The following HIPK2 variants were observed in gnomAD, a reference collection of about 807,000 sequenced individuals.
HIPK2 encodes homeodomain interacting protein kinase 2.
Under a neutral mutation model 113.7 loss-of-function variants are expected in HIPK2, and 27 were observed. That is an observed-to-expected ratio of 0.24 (90% CI 0.17 to 0.33). The LOEUF (loss-of-function observed/expected upper bound fraction) is 0.33. Among genes scored for constraint, HIPK2 ranks in the 10% least tolerant of loss-of-function variants. HIPK2 has a pLI of 1.00. For synonymous variants in HIPK2, 631 were observed against 642.2 expected (o/e 0.98, Z 0.26); for missense variants, 1,257 against 1,588.0 (o/e 0.79, Z 3.54).
chr7:139,716,820 G>T lies in HIPK2; in HGVS notation c.215C>A (p.Pro72Gln), dbSNP rs748732904. 2 of 1,613,878 alleles carry T rather than the reference G, an allele frequency of 1.2e-6. No individual in the cohort carries two copies. Among genetic ancestry groups the T allele is most frequent in the Non-Finnish European group, 1.7e-6 (2 of 1,179,838 alleles). ...GTAAGGTAGGCTTGGGTTTGGGACC[G>T]GCAAGGAGGTGCTGACGGTTGTGGT... ...PATTTVSTSLPVPNPSLPYEQ... is the reference protein window; with the variant it reads ...PATTTVSTSLQVPNPSLPYEQ... Residue 72 changes from proline to glutamine, a missense_variant, in exon 2 of 15, where the codon CCG becomes CAG. Pro to Gln is a moderately conservative substitution (Grantham distance 76). Around this residue, in one of 5 missense-constraint regions of HIPK2, gnomAD observed 209 missense variants for 237.8 expected, o/e 0.88. Coordinates refer to ENST00000406875, the MANE Select transcript of HIPK2 (RefSeq NM_022740.5). The surrounding 1 kb of genome is among the most constrained non-coding windows in gnomAD (Gnocchi z 9.3).
At chr7:139,649,299 C>T (rs1002398475) in intron 2 of HIPK2, among the ~76,000 whole-genome samples, 1 of 152,194 alleles carries the variant, frequency 6.6e-6, no homozygotes, top group Non-Finnish European at 1.5e-5. Context: ...CCCAGGTACA[C>T]GCGCAAATGT....
At chr7:139,765,414 G>T (rs764433114) in intron 1 of HIPK2, among the ~76,000 whole-genome samples, 5 of 152,138 alleles carry the variant, frequency 3.3e-5, no homozygotes, top group African/African-American at 4.8e-5. Context: ...TCCTCCAGAG[G>T]TTTAATAAAT....
At chr7:139,643,421 G>A (rs1364303777) in intron 2 of HIPK2, among the ~76,000 whole-genome samples, 1 of 150,704 alleles carries the variant, frequency 6.6e-6, no homozygotes, top group Non-Finnish European at 1.5e-5. Context: ...TTTTCACACT[G>A]ATCCTTCGTT....
Position 139,572,764 on chromosome 7 carries a change from G to GCT in HIPK2, c.*162_*163insAG. 1 of 27,800 alleles carries GCT rather than the reference G, an allele frequency of 3.6e-5. No homozygotes were observed. Among genetic ancestry groups the GCT allele is most frequent in the African/African-American group, 1.5e-4 (1 of 6,550 alleles). The allele number at this position is 27,800 out of a possible 1,614,324, so 1.7% of individuals were successfully genotyped here. On this transcript the variant is annotated 3_prime_UTR_variant, in exon 15 of 15. Transcript: ENST00000406875. ...GTCCCGACCCGTCCCCCTGCCCTCT[G>GCT]CCCCCCCCCCCCCCCCCGCCCCTGC...
chr7:139,587,804 G>T lies in HIPK2; in HGVS notation c.2718-3740C>A, dbSNP rs1435490649. 2.0e-5 allele frequency among the ~76,000 whole-genome samples: 3 copies of T among 151,730 alleles called. No individual in the cohort carries two copies. In the Admixed American group the frequency reaches 2.0e-4, roughly 10 times the overall value. On this transcript the variant is annotated intron_variant, in intron 12 of 14. Coordinates refer to ENST00000406875, the MANE Select transcript of HIPK2 (RefSeq NM_022740.5). ...GAGGCAGGAAGATGGCTTGAGCCCA[G>T]GAGTTTGAGGCTGCAGTGAGCTGTG...
intron 12 of HIPK2, among the ~76,000 whole-genome samples, chr7:139,587,543 C>T (rs1009659263): frequency 1.3e-5 from 2 of 149,790 alleles, no homozygotes; most frequent in African/African-American, 4.9e-5. Flanking sequence ...TTGGGCACTT[C>T]GCCGCTGTAC....
chr7:139,692,786 T>C (rs1422537187), intron 2 of HIPK2, among the ~76,000 whole-genome samples: 2 of 152,230 alleles, frequency 1.3e-5, no homozygotes, highest in Non-Finnish European at 2.9e-5. Context: ...GTGGAGCATA[T>C]GCAGATTCTC....
At chr7:139,694,037 A>G (rs1365931915) in intron 2 of HIPK2, among the ~76,000 whole-genome samples, 5 of 152,232 alleles carry the variant, frequency 3.3e-5, no homozygotes, top group Non-Finnish European at 5.9e-5. Context: ...TTGGAACTGC[A>G]AAAGCAGAAA....
At chr7:139,618,772 G>A (rs543058821) in intron 7 of HIPK2, among the ~76,000 whole-genome samples, 31 of 152,298 alleles carry the variant, frequency 2.0e-4, no homozygotes, top group Admixed American at 1.9e-3. Context: ...TGCATTGGAG[G>A]GGTGCTCCTT....
At chr7:139,594,276 T>A (rs1316883760) in intron 12 of HIPK2, among the ~76,000 whole-genome samples, 1 of 152,234 alleles carries the variant, frequency 6.6e-6, no homozygotes, top group Non-Finnish European at 1.5e-5. Flanking sequence ...TAATGATTTG[T>A]ATGTGTTTCG....
chr7:139,574,612 C>T (rs138120777), intron 14 of HIPK2, among the ~76,000 whole-genome samples: 43 of 152,320 alleles, frequency 2.8e-4, no homozygotes, highest in African/African-American at 9.9e-4. Flanking sequence ...GATGCCGAGC[C>T]CTTGACACAG....
chr7:139,642,485 C>T (rs1443039179), intron 2 of HIPK2, among the ~76,000 whole-genome samples: 1 of 152,232 alleles, frequency 6.6e-6, no homozygotes. Flanking sequence ...AGAGACAACA[C>T]GCCCTGTGAC....
At position 139,583,820 on chromosome 7, in the gene HIPK2, G is replaced by A. The variant is rs1329291585; in HGVS notation, c.2962C>T (p.Pro988Ser). The A allele has an allele frequency of 1.2e-6, 2 of 1,610,184 alleles. No homozygotes were observed. The highest frequency in any genetic ancestry group is 3.4e-5 in the Admixed American group (2 of 59,358). ...EVLVECDSLV[P>S]VNTSHHSSSY... is the part of the protein sequence containing the mutation. ...CCCTGTCCTGGCCCCAAATTACCTG[G>A]CACCAGGCTATCACACTCCACCAAT... The change falls in exon 13 of 15, where the codon CCA (proline) becomes TCA (serine). Residue 988 changes from proline to serine, a missense_variant. Coordinates refer to ENST00000406875, the MANE Select transcript of HIPK2 (RefSeq NM_022740.5).
At chr7:139,590,243 C>A (rs1365433403) in intron 12 of HIPK2, among the ~76,000 whole-genome samples, 1 of 152,106 alleles carries the variant, frequency 6.6e-6, no homozygotes, top group Non-Finnish European at 1.5e-5. Flanking sequence ...CTGAAATGGC[C>A]TTGGAAGAAC....
intron 12 of HIPK2, among the ~76,000 whole-genome samples, chr7:139,590,259 T>C (rs1438836708): frequency 6.6e-6 from 1 of 152,204 alleles, no homozygotes; most frequent in African/African-American, 2.4e-5. Context: ...AGAACATCAC[T>C]TCTGAATAAA....
intron 12 of HIPK2, among the ~76,000 whole-genome samples, chr7:139,585,768 T>C (rs1037199079): frequency 6.6e-6 from 1 of 152,204 alleles, no homozygotes; most frequent in Admixed American, 6.5e-5. Context: ...TTAGTTAACA[T>C]GTGAAAACAG....
chr7:139,693,938 G>A (rs1794489542), intron 2 of HIPK2, among the ~76,000 whole-genome samples: 1 of 152,186 alleles, frequency 6.6e-6, no homozygotes, highest in African/African-American at 2.4e-5. Flanking sequence ...TGAAAGGAGT[G>A]ATAATCCAAC....
intron 1 of HIPK2, among the ~76,000 whole-genome samples, chr7:139,757,519 T>G (rs2117130162): frequency 6.6e-6 from 1 of 152,282 alleles, no homozygotes; most frequent in South Asian, 2.1e-4. Context: ...GCCACAGTGG[T>G]ACCCTTCACA....
chr7:139,772,441 A>C (rs984665777), intron 1 of HIPK2, among the ~76,000 whole-genome samples: 1 of 152,270 alleles, frequency 6.6e-6, no homozygotes, highest in Non-Finnish European at 1.5e-5. Context: ...AAATAGAAGA[A>C]GACAGGATCT....
Sources: gnomAD v4.1 joint callset for allele counts (sites outside exome capture counted in the v4.1 genomes callset) on GRCh38, gnomAD v4.1.1 for gene constraint, gnomAD v4.1.1 regional missense constraint, Gnocchi (gnomAD v3.1) non-coding constraint, MANE v1.5 for transcripts, NCBI Gene and HGNC (gene_info 2026-07-23, HGNC 2026-07-21) for gene names.